Variants in CYP4F22 observed in about 807,000 individuals in gnomAD.
The protein encoded by CYP4F22 is cytochrome P450 family 4 subfamily F member 22.
CYP4F22 carries 37 observed loss-of-function variants against 60.4 expected under a neutral mutation model. That is an observed-to-expected ratio of 0.61 (90% confidence interval 0.47 to 0.81). The LOEUF is 0.81. Ranked by LOEUF, CYP4F22 falls within the 30% of genes least tolerant of loss-of-function variation. The pLI, the probability that CYP4F22 is intolerant of heterozygous loss-of-function variation, is 0.00. For synonymous variants in CYP4F22, 258 were observed against 280.5 expected, an observed-to-expected ratio of 0.92 and a Z score of 0.80; for missense variants, 655 against 715.0, an observed-to-expected ratio of 0.92 and a Z score of 0.96.
At position 15,551,513 on chromosome 19, in the gene CYP4F22, C is replaced by T; in HGVS notation, c.*42C>T. On this transcript the variant is annotated 3_prime_UTR_variant, in exon 14 of 14. Coordinates refer to ENST00000269703, the MANE Select transcript of CYP4F22 (RefSeq NM_173483.4). The stretch of plus-strand genomic sequence containing the variant: ...GCGGCTCCCGAGGGTCCAGGCCCCG[C>T]CCCCAAAGGACCAGGACTCGCCCCA... 4 of 1,539,322 alleles carry T rather than the reference C, an allele frequency of 2.6e-6. No individual in the cohort carries two copies. The highest frequency in any genetic ancestry group is 3.5e-6 in the Non-Finnish European group (4 of 1,143,194).
At chr19:15,528,803 A>G (rs896527096) in intron 3 of CYP4F22, among the ~76,000 whole-genome samples, 3 of 152,216 alleles carry the variant, frequency 2.0e-5, no homozygotes, top group Non-Finnish European at 4.4e-5. Context: ...CCAGTACATG[A>G]AAAGTCTCCA....
intron 3 of CYP4F22, among the ~76,000 whole-genome samples, chr19:15,526,259 G>T (rs1971281822): frequency 6.6e-6 from 1 of 152,186 alleles, no homozygotes; most frequent in Non-Finnish European, 1.5e-5. Flanking sequence ...CCAGGGCAGG[G>T]TTGGAGGAGG....
At chr19:15,542,056 T>C (rs1971469202) in intron 8 of CYP4F22, among the ~76,000 whole-genome samples, 1 of 151,992 alleles carries the variant, frequency 6.6e-6, no homozygotes, top group African/African-American at 2.4e-5. Context: ...AAGCCTCAGT[T>C]TCTCCATTTA....
At chr19:15,540,804 A>T in intron 8 of CYP4F22, 87 bp downstream of exon 8, 1 of 1,542,706 alleles carries the variant, frequency 6.5e-7, no homozygotes, top group Non-Finnish European at 8.9e-7. Flanking sequence ...TTAAAACTCC[A>T]TTAGGCGTGG....
Position 15,540,549 on chromosome 19 carries a change from C to T in CYP4F22, c.771C>T (p.Arg257=). The T allele has an allele frequency of 1.2e-6, 2 of 1,614,216 alleles. No individual in the cohort carries two copies. Among genetic ancestry groups the T allele is most frequent in the Non-Finnish European group, 8.5e-7 (1 of 1,180,038 alleles). ...ACTACCTCGACTTCATTTACTACCG[C>T]TCGGCGGATGGGCGGAGGTTCCGGC... is the stretch of plus-strand genomic sequence containing the variant. ...LHHYLDFIYY[R]SADGRRFRQA... The change falls in exon 8 of 14, where the codon CGC becomes CGT. Residue 257 remains arginine (R), a synonymous_variant. Coordinates refer to ENST00000269703, the MANE Select transcript of CYP4F22 (RefSeq NM_173483.4).
chr19:15,539,180 C>T (rs1441781360), intron 7 of CYP4F22, among the ~76,000 whole-genome samples: 1 of 152,160 alleles, frequency 6.6e-6, no homozygotes, highest in Non-Finnish European at 1.5e-5. Context: ...AAACTTCATA[C>T]ACTTTAGCAA....
At chr19:15,522,952 C>T (rs1447722899) in intron 1 of CYP4F22, among the ~76,000 whole-genome samples, 3 of 150,608 alleles carry the variant, frequency 2.0e-5, no homozygotes, top group African/African-American at 7.3e-5. Flanking sequence ...CTCAAGTGAT[C>T]TGCCCACCTC....
chr19:15,546,445 G>A (rs925017905), intron 10 of CYP4F22, among the ~76,000 whole-genome samples: 7 of 152,180 alleles, frequency 4.6e-5, no homozygotes, highest in African/African-American at 1.7e-4. Flanking sequence ...TTAGCTGGGC[G>A]TATTGGTGTG....
chr19:15,541,406 G>A (rs942727654), intron 8 of CYP4F22, among the ~76,000 whole-genome samples: 5 of 151,976 alleles, frequency 3.3e-5, no homozygotes, highest in Admixed American at 6.6e-5. Flanking sequence ...CTCTGTCTTC[G>A]TCTCTTTGTA....
rs537649124 is a variant in CYP4F22, at chr19:15,540,728, GCC to G, written c.939+15_939+16del. On this transcript the variant is annotated intron_variant, in intron 8 of 13. Coordinates refer to ENST00000269703, the MANE Select transcript of CYP4F22 (RefSeq NM_173483.4). ...CTGCTCCTGGCCAGGGTGAGGCTGG[GCC>G]CCCTGGAATTGCTGGCCTCCCGAGG... 1,250,660 of 1,611,746 alleles carry G rather than the reference GCC, an allele frequency of 0.78. 487,093 individuals are homozygous for G. Among genetic ancestry groups the G allele is most frequent in the East Asian group, 0.93 (41,610 of 44,858 alleles).
At chr19:15,525,838 G>A (rs1971277154) in intron 3 of CYP4F22, among the ~76,000 whole-genome samples, 1 of 152,032 alleles carries the variant, frequency 6.6e-6, no homozygotes, top group African/African-American at 2.4e-5. Context: ...ACCAGCTTGG[G>A]AAACATAGTG....
rs764981944 is a variant in CYP4F22, at chr19:15,549,198, C to G, written c.1331C>G (p.Ser444Cys). 1.2e-6 allele frequency: 2 copies of G among 1,614,070 alleles called. No individual in the cohort carries two copies. Among genetic ancestry groups the G allele is most frequent in the East Asian group, 2.2e-5 (1 of 44,858 alleles). ...CACAACCCCACAGTGTGGCCTGACT[C>G]CAAGGTGAGTGCCTGCCCCACTCCT... ...THHNPTVWPD[S>C]KVYNPYRFDP... Residue 444 changes from serine (S) to cysteine (C), a missense_variant, in exon 12 of 14, where the codon TCC becomes TGC. Coordinates refer to ENST00000269703, the MANE Select transcript of CYP4F22 (RefSeq NM_173483.4).
At chr19:15,545,219 A>G (rs1008093310) in intron 10 of CYP4F22, among the ~76,000 whole-genome samples, 9 of 152,180 alleles carry the variant, frequency 5.9e-5, no homozygotes, top group African/African-American at 2.2e-4. Flanking sequence ...ACCTGAGCAG[A>G]AGGCACTGAA....
At chr19:15,514,666 G>A (rs1003790889) in intron 1 of CYP4F22, among the ~76,000 whole-genome samples, 4 of 151,980 alleles carry the variant, frequency 2.6e-5, no homozygotes, top group Non-Finnish European at 4.4e-5. Flanking sequence ...GTGAGACTTT[G>A]TCTTGAAAGA....
At chr19:15,525,232 C>T in intron 2 of CYP4F22, 104 bp from the exon 3 acceptor site, 1 of 1,111,532 alleles carries the variant, frequency 9.0e-7, no homozygotes. Context: ...GTGTCTGGAA[C>T]TCACGTGTGC....
intron 1 of CYP4F22, among the ~76,000 whole-genome samples, chr19:15,509,886 TTCC>T (rs1971063803): frequency 7.9e-6 from 1 of 126,322 alleles, no homozygotes; most frequent in Non-Finnish European, 1.7e-5. Context: ...CCTTCCTTCC[TTCC>T]TTCCTTCCTT....
intron 4 of CYP4F22, among the ~76,000 whole-genome samples, chr19:15,531,079 A>C (rs1030300018): frequency 6.6e-6 from 1 of 152,088 alleles, no homozygotes; most frequent in Admixed American, 6.6e-5. Flanking sequence ...CTGTCTCTCG[A>C]AAAAAATAAA....
At position 15,510,966 on chromosome 19, in the gene CYP4F22, A is replaced by ATTTTT. The variant is rs1555726127; in HGVS notation, c.-109+2396_-109+2400dup. 2.1e-3 allele frequency among the ~76,000 whole-genome samples: 214 copies of ATTTTT among 103,290 alleles called. 3 individuals carry two copies. Among genetic ancestry groups the ATTTTT allele is most frequent in the African/African-American group, 8.7e-3 (189 of 21,764 alleles). The allele number at this position is 103,290 out of a possible 152,430, so 67.8% of individuals were successfully genotyped here. On this transcript the variant is annotated intron_variant, in intron 1 of 13. Coordinates refer to ENST00000269703, the MANE Select transcript of CYP4F22 (RefSeq NM_173483.4). Reference sequence around the variant, plus strand: ...ATACCATATATATATATATATATATATTTTTTTTTTTTTTTTTGAGATGGA... The same window carrying ATTTTT: ...ATACCATATATATATATATATATATATTTTTTTTTTTTTTTTTTTTTTGAGATGGA...
chr19:15,519,243 C>G (rs1971192622), intron 1 of CYP4F22, among the ~76,000 whole-genome samples: 1 of 151,388 alleles, frequency 6.6e-6, no homozygotes, highest in South Asian at 2.1e-4. Context: ...AAGACGGGCT[C>G]AAAGCAGACT....
Sources: allele counts gnomAD v4.1 joint callset (sites outside exome capture counted in the v4.1 genomes callset), GRCh38; gene constraint gnomAD v4.1.1; transcripts MANE v1.5; gene names NCBI Gene and HGNC (gene_info 2026-07-23, HGNC 2026-07-21).